OCA2: variants seen among roughly 807,000 people sequenced by gnomAD.
OCA2 encodes the protein P protein.
OCA2 carries 77 observed loss-of-function variants against 100.2 expected under a neutral mutation model. The ratio of observed to expected loss-of-function variants is 0.77; its 90% confidence interval spans 0.64 to 0.93. The LOEUF is 0.93. Ranked by LOEUF, OCA2 falls within the 40% of genes least tolerant of loss-of-function variation. OCA2 has a pLI of 0.00. For synonymous variants in OCA2, 432 were observed against 439.2 expected (o/e 0.98, Z 0.21); for missense variants, 1,062 against 1,089.1 (o/e 0.98, Z 0.35).
At chr15:28,022,470 G>T in intron 6 of OCA2, 31 bp downstream of exon 6, 1 of 1,514,070 alleles carries the variant, frequency 6.6e-7, no homozygotes, top group Non-Finnish European at 9.2e-7. Flanking sequence ...TCAGCCAGGC[G>T]GCTGGCCATC....
At chr15:27,798,415 T>C (rs2033440588) in intron 23 of OCA2, among the ~76,000 whole-genome samples, 1 of 152,212 alleles carries the variant, frequency 6.6e-6, no homozygotes, top group Admixed American at 6.5e-5. Context: ...TCAATTTTGT[T>C]TTCTATTTTA....
intron 23 of OCA2, among the ~76,000 whole-genome samples, chr15:27,766,607 T>C (rs2031281106): frequency 6.6e-6 from 1 of 152,212 alleles, no homozygotes; most frequent in African/African-American, 2.4e-5. Flanking sequence ...CCTCACACCC[T>C]GTCTGAAACT....
chr15:27,857,256 C>G (rs1286063114), intron 21 of OCA2, among the ~76,000 whole-genome samples: 1 of 152,176 alleles, frequency 6.6e-6, no homozygotes, highest in Non-Finnish European at 1.5e-5. Context: ...ATGGAAACCT[C>G]ACTACAAGAG....
intron 15 of OCA2, among the ~76,000 whole-genome samples, chr15:27,964,271 G>C (rs988977305): frequency 2.0e-5 from 3 of 152,166 alleles, no homozygotes; most frequent in Admixed American, 1.3e-4. Context: ...TTACAAGAAA[G>C]GAAACTACAA....
intron 4 of OCA2, among the ~76,000 whole-genome samples, chr15:28,026,922 G>A (rs1254482493): frequency 6.6e-6 from 1 of 152,240 alleles, no homozygotes; most frequent in Non-Finnish European, 1.5e-5. Context: ...GTAGGCCCGT[G>A]AGAGGCCACA....
intron 9 of OCA2, among the ~76,000 whole-genome samples, chr15:28,013,833 ATTAAT>A (rs1313194574): frequency 6.6e-6 from 1 of 152,202 alleles, no homozygotes; most frequent in African/African-American, 2.4e-5. Flanking sequence ...CAACAGTAAT[ATTAAT>A]TTAAAAGAAA....
At chr15:27,836,025 C>T (rs16950444) in intron 23 of OCA2, among the ~76,000 whole-genome samples, 3,679 of 152,304 alleles carry the variant, frequency 0.024, 81 homozygotes, top group Non-Finnish European at 0.035. Flanking sequence ...TTACGGCTCT[C>T]GTGGCTCTCT....
intron 5 of OCA2, among the ~76,000 whole-genome samples, chr15:28,023,034 A>T (rs1048058104): frequency 6.6e-6 from 1 of 152,054 alleles, no homozygotes; most frequent in East Asian, 1.9e-4. Context: ...TATCTCCACA[A>T]ATCACCTAAA....
intron 23 of OCA2, among the ~76,000 whole-genome samples, chr15:27,771,130 C>T (rs1277724343): frequency 7.5e-6 from 1 of 133,872 alleles, no homozygotes; most frequent in East Asian, 2.0e-4. Flanking sequence ...TCTTTCCTTC[C>T]CTCCCTTCCT....
chr15:27,959,989 T>C lies in OCA2; in HGVS notation c.1637-2254A>G, dbSNP rs531222262. ...AACTCAGTTTACCAAAACCTGTCCA[T>C]GTATCAGTTCCCAGGCTTCCTCTGC... On this transcript the variant is annotated intron_variant, in intron 15 of 23. Coordinates refer to ENST00000354638, the MANE Select transcript of OCA2 (RefSeq NM_000275.3). Among the ~76,000 whole-genome samples the C allele has an allele frequency of 2.8e-4, 43 of 152,314 alleles. No homozygotes were observed. In the South Asian group the frequency reaches 8.3e-3, roughly 29 times the overall value.
Position 27,952,507 on chromosome 15 carries a change from C to T in OCA2, c.1843-615G>A, listed in dbSNP as rs1375624736. 3.3e-5 allele frequency among the ~76,000 whole-genome samples: 5 copies of T among 152,304 alleles called. No homozygotes were observed. The East Asian group carries it at 7.7e-4, about 24-fold the overall frequency. The stretch of plus-strand genomic sequence containing the variant: ...CCCAAGGGTACTGTGCTCCACAGGC[C>T]ATGGCTGCGTGGGGCCAGGGCAGGG... On this transcript the variant is annotated intron_variant, in intron 17 of 23. Coordinates refer to ENST00000354638, the MANE Select transcript of OCA2 (RefSeq NM_000275.3).
chr15:27,750,754 T>C (rs1328483334), downstream of OCA2, among the ~76,000 whole-genome samples: 2 of 152,212 alleles, frequency 1.3e-5, no homozygotes, highest in Non-Finnish European at 1.5e-5. Flanking sequence ...TTAATTGTCA[T>C]AGTCAAGGTT....
chr15:27,869,040 G>T (rs2036438777), intron 21 of OCA2, among the ~76,000 whole-genome samples: 1 of 152,218 alleles, frequency 6.6e-6, no homozygotes. Flanking sequence ...GACCATCGCT[G>T]CATGCCGCTT....
chr15:27,798,086 T>A (rs1169385603), intron 23 of OCA2, among the ~76,000 whole-genome samples: 1 of 152,230 alleles, frequency 6.6e-6, no homozygotes, highest in Non-Finnish European at 1.5e-5. Flanking sequence ...AGGCAAGCAC[T>A]GATAAGCAAA....
intron 14 of OCA2, among the ~76,000 whole-genome samples, chr15:27,968,375 C>T (rs1380032714): frequency 2.0e-5 from 3 of 152,146 alleles, no homozygotes; most frequent in Non-Finnish European, 4.4e-5. Flanking sequence ...GGAGGGACCA[C>T]GGGCAGTCCA....
chr15:27,966,694 A>C lies in OCA2; in HGVS notation c.1632T>G (p.Ile544Met). 6.2e-7 allele frequency: 1 copy of C among 1,614,068 alleles called. No homozygotes were observed. The change falls in exon 15 of 24, where the codon ATT (isoleucine) becomes ATG (methionine). Residue 544 changes from isoleucine (I) to methionine (M), a missense_variant. Coordinates refer to ENST00000354638, the MANE Select transcript of OCA2 (RefSeq NM_000275.3). ...RKLYNKEPSE[I>M]VELKHEIHVW... ...TGAGGTTGCACTTGTACTCACCAAC[A>C]ATCTCACTGGGTTCCTTGTTATAAA...
At chr15:27,997,084 G>GAGAAAGAAAGAAAGAGAA (rs767762161) in intron 9 of OCA2, among the ~76,000 whole-genome samples, 7 of 131,090 alleles carry the variant, frequency 5.3e-5, no homozygotes, top group Non-Finnish European at 9.8e-5. Flanking sequence ...GAGAAAGAGA[G>GAGAAAGAAAGAAAGAGAA]AGAAAGAAAG....
intron 14 of OCA2, among the ~76,000 whole-genome samples, chr15:27,971,072 C>G (rs992395527): frequency 1.3e-5 from 2 of 151,090 alleles, no homozygotes; most frequent in African/African-American, 4.9e-5. Context: ...GGCAGGAAAG[C>G]CTGAAGAACG....
chr15:28,028,813 G>A, intron 3 of OCA2, among the ~76,000 whole-genome samples: 1 of 152,106 alleles, frequency 6.6e-6, no homozygotes, highest in East Asian at 1.9e-4. Context: ...AGCCTCCCCA[G>A]TAGCTGGGCT....
Sources: gnomAD v4.1 joint callset for allele counts (sites outside exome capture counted in the v4.1 genomes callset) on GRCh38, gnomAD v4.1.1 for gene constraint, MANE v1.5 for transcripts, NCBI Gene and HGNC (gene_info 2026-07-23, HGNC 2026-07-21) for gene names.